Variants in HPSE2 observed in about 807,000 individuals in gnomAD.
The protein encoded by HPSE2 is inactive heparanase-2.
Under a neutral mutation model 60.5 loss-of-function variants are expected in HPSE2, and 38 were observed. That is an observed-to-expected ratio of 0.63 (90% CI 0.48 to 0.82). The LOEUF is 0.82. Ranked by LOEUF, HPSE2 falls within the 40% of genes least tolerant of loss-of-function variation. The pLI, the probability that HPSE2 is intolerant of heterozygous loss-of-function variation, is 0.00. For synonymous variants in HPSE2, 295 were observed against 293.2 expected, an observed-to-expected ratio of 1.01 and a Z score of -0.06; for missense variants, 713 against 740.4, an observed-to-expected ratio of 0.96 and a Z score of 0.43.
chr10:98,945,287 T>C (rs959488484), intron 3 of HPSE2, among the ~76,000 whole-genome samples: 1 of 152,174 alleles, frequency 6.6e-6, no homozygotes, highest in East Asian at 1.9e-4. Context: ...ATTCCCCAAG[T>C]TGTTTTTACA....
At chr10:98,960,730 T>TTTTTTTTTTTTTTTTTTTTTTTTTTTTTG (rs1955647062) in intron 3 of HPSE2, among the ~76,000 whole-genome samples, 1 of 24,790 alleles carries the variant, frequency 4.0e-5, no homozygotes, top group Admixed American at 3.4e-4. Context: ...TGTTTTATTT[T>TTTTTTTTTTTTTTTTTTTTTTTTTTTTTG]TTTTATTTTA....
rs767194943 is a variant in HPSE2, at chr10:98,458,762, T to C, written c.*812A>G. On this transcript the variant is annotated 3_prime_UTR_variant, in exon 12 of 12. Coordinates refer to ENST00000370552, the MANE Select transcript of HPSE2 (RefSeq NM_021828.5). Reference sequence around the variant, plus strand: ...ACTCAAACTCTCCCTCATAGCAACATGAAGAATGATGACTACTTTTTGTTG... The same window carrying C: ...ACTCAAACTCTCCCTCATAGCAACACGAAGAATGATGACTACTTTTTGTTG... 6.5e-6 allele frequency: 1 copy of C among 152,892 alleles called. No individual in the cohort carries two copies. The highest frequency in any genetic ancestry group is 2.4e-5 in the African/African-American group (1 of 41,418). 9.5% of individuals were successfully genotyped at this position (152,892 alleles called of 1,614,324 possible). A position where few individuals can be genotyped will look rare whatever the true frequency, so the allele number is the denominator to read the frequency against.
chr10:99,031,754 A>C (rs1380952673), intron 3 of HPSE2, among the ~76,000 whole-genome samples: 1 of 152,194 alleles, frequency 6.6e-6, no homozygotes, highest in Non-Finnish European at 1.5e-5. Flanking sequence ...TAATATTGGA[A>C]GACACAGCAG....
At chr10:98,535,657 C>G (rs929429194) in intron 9 of HPSE2, among the ~76,000 whole-genome samples, 1 of 152,166 alleles carries the variant, frequency 6.6e-6, no homozygotes, top group South Asian at 2.1e-4. Context: ...TAACTGAAAG[C>G]TTGGTTACCT....
intron 3 of HPSE2, among the ~76,000 whole-genome samples, chr10:98,867,965 G>A (rs942295596): frequency 6.6e-6 from 1 of 152,048 alleles, no homozygotes; most frequent in Non-Finnish European, 1.5e-5. Flanking sequence ...TGGAGGGTGA[G>A]GCGGGAGAAT....
At chr10:98,828,130 C>T (rs1450237287) in intron 3 of HPSE2, among the ~76,000 whole-genome samples, 1 of 151,612 alleles carries the variant, frequency 6.6e-6, no homozygotes, top group Non-Finnish European at 1.5e-5. Flanking sequence ...TCATATAAGC[C>T]AATTCCTTAA....
intron 3 of HPSE2, among the ~76,000 whole-genome samples, chr10:99,008,253 C>T (rs1157906960): frequency 1.3e-5 from 2 of 152,178 alleles, no homozygotes; most frequent in African/African-American, 2.4e-5. Flanking sequence ...CAGCATGAGT[C>T]ATTGTTTTCT....
chr10:98,739,595 C>G (rs1949445357), intron 4 of HPSE2, among the ~76,000 whole-genome samples: 1 of 152,156 alleles, frequency 6.6e-6, no homozygotes, highest in Non-Finnish European at 1.5e-5. Context: ...ATCATCATCT[C>G]TGACTTTCTA....
intron 3 of HPSE2, among the ~76,000 whole-genome samples, chr10:99,120,002 C>A (rs1368688961): frequency 6.6e-6 from 1 of 152,136 alleles, no homozygotes. Context: ...TGGAAGATAA[C>A]CTAGGCAGTA....
At chr10:98,792,586 C>T (rs1378246173) in intron 3 of HPSE2, among the ~76,000 whole-genome samples, 1 of 149,334 alleles carries the variant, frequency 6.7e-6, no homozygotes, top group Non-Finnish European at 1.5e-5. Context: ...GTGTGGTTGG[C>T]ATTTTTGTAC....
At chr10:98,505,169 C>T (rs1332840673) in intron 9 of HPSE2, among the ~76,000 whole-genome samples, 1 of 152,166 alleles carries the variant, frequency 6.6e-6, no homozygotes, top group Non-Finnish European at 1.5e-5. Flanking sequence ...GTTCCTGTTT[C>T]CTTATATACA....
At chr10:99,240,925 T>C in the HPSE2 span, among the ~76,000 whole-genome samples, 1 of 152,166 alleles carries the variant, frequency 6.6e-6, no homozygotes, top group Non-Finnish European at 1.5e-5. Context: ...CTGGGAAGCA[T>C]GAAGATATAA....
Position 98,890,640 on chromosome 10 carries a change from G to A in HPSE2, c.611-146584C>T, listed in dbSNP as rs180999962. On this transcript the variant is annotated intron_variant, in intron 3 of 11. Transcript: ENST00000370552. Reference sequence around the variant, plus strand: ...GTAAAACAAATAAGTAAATAAAAACGAACGAACAAATGAAACAAAACAAAA... The same window carrying A: ...GTAAAACAAATAAGTAAATAAAAACAAACGAACAAATGAAACAAAACAAAA... Among the ~76,000 whole-genome samples, 176 of 151,910 alleles carry A rather than the reference G, an allele frequency of 1.2e-3. 1 individual carries two copies. Among genetic ancestry groups the A allele is most frequent in the Admixed American group, 2.4e-3 (36 of 15,232 alleles).
At chr10:99,035,925 C>G (rs780725148) in intron 3 of HPSE2, among the ~76,000 whole-genome samples, 1 of 152,218 alleles carries the variant, frequency 6.6e-6, no homozygotes, top group Admixed American at 6.6e-5. Flanking sequence ...AAACACCATT[C>G]TCTAGGCTGA....
chr10:98,565,049 C>T (rs1944300551), intron 9 of HPSE2, among the ~76,000 whole-genome samples: 1 of 151,064 alleles, frequency 6.6e-6, no homozygotes, highest in South Asian at 2.1e-4. Flanking sequence ...CAACTGGTTC[C>T]CATGGTCTAC....
Position 98,557,116 on chromosome 10 carries a change from G to A in HPSE2, c.1320+57788C>T, listed in dbSNP as rs932395349. 3.9e-5 allele frequency among the ~76,000 whole-genome samples: 6 copies of A among 152,244 alleles called. No homozygotes were observed. In the East Asian group the frequency reaches 1.2e-3, roughly 29 times the overall value. On this transcript the variant is annotated intron_variant, in intron 9 of 11. Coordinates refer to ENST00000370552, the MANE Select transcript of HPSE2 (RefSeq NM_021828.5). ...TAGTTCCAGCTACTCAGGAGGCTGA[G>A]GCAGGAGAATGGCATGAACCCGGGA...
intron 3 of HPSE2, among the ~76,000 whole-genome samples, chr10:98,936,047 C>T (rs1051482809): frequency 1.4e-5 from 2 of 144,552 alleles, no homozygotes; most frequent in African/African-American, 2.8e-5. Context: ...AGCCACTTTA[C>T]TGCACTGTGG....
intron 11 of HPSE2, among the ~76,000 whole-genome samples, chr10:98,473,140 T>A (rs149847723): frequency 2.0e-5 from 3 of 152,164 alleles, no homozygotes; most frequent in African/African-American, 7.2e-5. Flanking sequence ...AAAATGTTCA[T>A]ATTTCCTCCT....
chr10:98,955,264 A>T (rs1955476542), intron 3 of HPSE2, among the ~76,000 whole-genome samples: 1 of 152,150 alleles, frequency 6.6e-6, no homozygotes, highest in Admixed American at 6.5e-5. Flanking sequence ...TTTACAAGAG[A>T]AAAACAAACA....
Sources: gnomAD v4.1 joint callset for allele counts (sites outside exome capture counted in the v4.1 genomes callset) on GRCh38, gnomAD v4.1.1 for gene constraint, MANE v1.5 for transcripts, NCBI Gene and HGNC (gene_info 2026-07-23, HGNC 2026-07-21) for gene names.